Variants in ZCCHC2 observed in about 807,000 individuals in gnomAD.
ZCCHC2 encodes the protein zinc finger CCHC domain-containing protein 2.
In ZCCHC2, 39 loss-of-function variants were observed where a neutral mutation model predicts 103.6. That is an observed-to-expected ratio of 0.38 (90% confidence interval 0.29 to 0.49). The LOEUF (loss-of-function observed/expected upper bound fraction) is 0.49, where lower values mean the gene tolerates loss of function less well. ZCCHC2 is among the 20% of genes least tolerant of loss of function. The pLI is 0.96. For synonymous variants in ZCCHC2, 687 were observed against 608.9 expected (o/e 1.13, Z -1.89); for missense variants, 1,483 against 1,491.0 (o/e 0.99, Z 0.09).
downstream of ZCCHC2, among the ~76,000 whole-genome samples, chr18:62,579,401 C>T (rs895712047): frequency 8.5e-5 from 13 of 152,170 alleles, no homozygotes; most frequent in African/African-American, 3.1e-4. Context: ...GGTTGGGGGC[C>T]TGTGTGTGTT....
intron 1 of ZCCHC2, among the ~76,000 whole-genome samples, chr18:62,534,523 G>T (rs1914837898): frequency 6.6e-6 from 1 of 152,202 alleles, no homozygotes; most frequent in Non-Finnish European, 1.5e-5. Flanking sequence ...GGTGGTGTGA[G>T]TCAGATGTAG....
At chr18:62,564,764 T>C in intron 10 of ZCCHC2, 129 bp downstream of exon 10, 1 of 803,842 alleles carries the variant, frequency 1.2e-6, no homozygotes, top group Non-Finnish European at 1.9e-6. Flanking sequence ...TTTACTCTTT[T>C]GGTTCAAAAT....
Position 62,550,473 on chromosome 18 carries a change from C to A in ZCCHC2, c.1313+13C>A. On this transcript the variant is annotated intron_variant, in intron 5 of 13. Transcript: ENST00000269499. Reference sequence around the variant, plus strand: ...AGCCCATCCTAAGGTAATGATTTACCTGACGCCTATCATAGCAGCATACAC... The same window carrying A: ...AGCCCATCCTAAGGTAATGATTTACATGACGCCTATCATAGCAGCATACAC... The A allele has an allele frequency of 6.3e-7, 1 of 1,599,950 alleles. No homozygotes were observed.
At chr18:62,582,449 G>T (rs141371714), downstream of ZCCHC2, among the ~76,000 whole-genome samples, 772 of 150,584 alleles carry the variant, frequency 5.1e-3, 6 homozygotes, top group Non-Finnish European at 7.8e-3. Context: ...AGGCCAAGGC[G>T]GGTGGATTAC....
In ZCCHC2 at chr18:62,523,993, G is replaced by A. The variant is rs1440914543; in HGVS notation, c.569G>A (p.Arg190His). 4.0e-6 allele frequency: 6 copies of A among 1,489,522 alleles called. No individual in the cohort carries two copies. The highest frequency in any genetic ancestry group is 3.6e-6 in the Non-Finnish European group (4 of 1,126,102). 92.3% of individuals were successfully genotyped at this position (1,489,522 alleles called of 1,614,324 possible). Residue 190 changes from arginine (R) to histidine (H), a missense_variant, in exon 1 of 14, where the codon CGT becomes CAT. Physicochemically the swap from Arg to His is conservative, Grantham distance 29. Around this residue, in one of 3 missense-constraint regions of ZCCHC2, gnomAD observed 568 missense variants for 525.1 expected, o/e 1.08. Coordinates refer to ENST00000269499, the MANE Select transcript of ZCCHC2 (RefSeq NM_017742.6). ...LGSENREAAGRLHRLLPQVDS... is the reference protein window; with the variant it reads ...LGSENREAAGHLHRLLPQVDS... ...TCGGAGAACCGGGAGGCCGCTGGCC[G>A]TCTGCACCGCCTGCTACCCCAGGTG...
chr18:62,582,484 C>T (rs867228002), downstream of ZCCHC2, among the ~76,000 whole-genome samples: 3 of 151,980 alleles, frequency 2.0e-5, no homozygotes, highest in Non-Finnish European at 2.9e-5. Context: ...TTGAGACCAG[C>T]GTGACCAACA....
downstream of ZCCHC2, among the ~76,000 whole-genome samples, chr18:62,580,460 A>G (rs1310123006): frequency 6.6e-6 from 1 of 152,188 alleles, no homozygotes. Context: ...CACACCAGCA[A>G]TGTAGTAGAG....
intron 4 of ZCCHC2, among the ~76,000 whole-genome samples, chr18:62,545,166 A>G (rs902938687): frequency 2.0e-5 from 3 of 152,154 alleles, no homozygotes; most frequent in African/African-American, 4.8e-5. Context: ...CGGGAGGATC[A>G]TGTGAGGCAG....
At chr18:62,557,579 T>G (rs1443780454) in intron 6 of ZCCHC2, among the ~76,000 whole-genome samples, 5 of 152,232 alleles carry the variant, frequency 3.3e-5, no homozygotes. Context: ...TATGTCTGAA[T>G]GATAACAACA....
At chr18:62,559,667 T>G (rs1282777441) in intron 7 of ZCCHC2, among the ~76,000 whole-genome samples, 1 of 152,212 alleles carries the variant, frequency 6.6e-6, no homozygotes, top group African/African-American at 2.4e-5. Flanking sequence ...TGGGCCCGGG[T>G]CCTTGAGGCA....
intron 1 of ZCCHC2, among the ~76,000 whole-genome samples, chr18:62,539,032 G>A (rs1259575783): frequency 6.6e-6 from 1 of 152,184 alleles, no homozygotes; most frequent in Non-Finnish European, 1.5e-5. Context: ...GTATGTGACA[G>A]TGCTTGATTT....
chr18:62,560,032 A>T (rs1916050482), intron 7 of ZCCHC2, among the ~76,000 whole-genome samples: 1 of 152,250 alleles, frequency 6.6e-6, no homozygotes, highest in South Asian at 2.1e-4. Flanking sequence ...AACATGTAAC[A>T]GCTAATGTGT....
At chr18:62,558,047 C>G (rs1915967584) in intron 6 of ZCCHC2, among the ~76,000 whole-genome samples, 1 of 149,492 alleles carries the variant, frequency 6.7e-6, no homozygotes, top group South Asian at 2.1e-4. Context: ...ATAGCTTTAT[C>G]TTTTTATTCT....
intron 1 of ZCCHC2, 184 bp downstream of exon 1, chr18:62,524,547 C>G (rs1914260999): frequency 2.3e-6 from 2 of 854,890 alleles, no homozygotes. Flanking sequence ...CGTTCCACTC[C>G]CCCACCCCAC....
At chr18:62,534,128 A>T (rs924665913) in intron 1 of ZCCHC2, among the ~76,000 whole-genome samples, 3 of 151,998 alleles carry the variant, frequency 2.0e-5, no homozygotes, top group Non-Finnish European at 4.4e-5. Flanking sequence ...TTAGCAGCCT[A>T]GGCAACATAC....
intron 11 of ZCCHC2, among the ~76,000 whole-genome samples, chr18:62,567,291 TATC>T (rs1233645175): frequency 2.2e-4 from 34 of 152,324 alleles, no homozygotes; most frequent in African/African-American, 8.2e-4. Context: ...CAACAGCTCA[TATC>T]ATAAATTGGA....
chr18:62,567,208 T>C (rs1278308571), intron 11 of ZCCHC2, among the ~76,000 whole-genome samples: 1 of 152,228 alleles, frequency 6.6e-6, no homozygotes, highest in Non-Finnish European at 1.5e-5. Flanking sequence ...CTTTGAAATA[T>C]TAAGGCACCA....
chr18:62,552,881 C>T (rs957350995), intron 5 of ZCCHC2, among the ~76,000 whole-genome samples: 1 of 104,168 alleles, frequency 9.6e-6, no homozygotes, highest in Non-Finnish European at 1.9e-5. Context: ...CAGAGTAAGA[C>T]CCTGTCTCTT....
intron 12 of ZCCHC2, 75 bp from the exon 13 acceptor site, chr18:62,573,982 A>G (rs1377980114): frequency 1.4e-6 from 2 of 1,416,394 alleles, no homozygotes; most frequent in Non-Finnish European, 1.9e-6. Context: ...TTTGAGGTAT[A>G]CTCAATGTTT....
Sources: allele counts gnomAD v4.1 joint callset (sites outside exome capture counted in the v4.1 genomes callset), GRCh38; gene constraint gnomAD v4.1.1; regional missense constraint gnomAD v4.1.1; transcripts MANE v1.5; gene names NCBI Gene and HGNC (gene_info 2026-07-23, HGNC 2026-07-21).